Variants in PER3 observed in about 807,000 individuals in gnomAD.
PER3 encodes the protein period circadian protein homolog 3.
A neutral mutation model predicts 127.2 loss-of-function variants in PER3; 107 were observed. The observed-to-expected ratio is 0.84, with a 90% confidence interval of 0.72 to 0.99. The LOEUF (loss-of-function observed/expected upper bound fraction) is 0.99, where lower values mean the gene tolerates loss of function less well. Among genes scored for constraint, PER3 ranks in the 50% least tolerant of loss-of-function variants. PER3 has a pLI of 0.00. For synonymous variants in PER3, 618 were observed against 585.8 expected, an observed-to-expected ratio of 1.05 and a Z score of -0.79; for missense variants, 1,560 against 1,525.8, an observed-to-expected ratio of 1.02 and a Z score of -0.37.
At chr1:7,789,262 C>T (rs370101574) in intron 5 of PER3, among the ~76,000 whole-genome samples, 1 of 151,950 alleles carries the variant, frequency 6.6e-6, no homozygotes, top group African/African-American at 2.4e-5. Flanking sequence ...GGCTGTGTCC[C>T]CACCCAAATC....
chr1:7,810,051 A>G (rs368045279), intron 12 of PER3, 30 bp downstream of exon 12: 99 of 1,596,484 alleles, frequency 6.2e-5, no homozygotes, highest in Non-Finnish European at 8.4e-5. Flanking sequence ...ATTCTTATAC[A>G]GGCATCGTGT....
intron 18 of PER3, among the ~76,000 whole-genome samples, chr1:7,828,127 G>A (rs910424713): frequency 1.3e-5 from 2 of 152,150 alleles, no homozygotes; most frequent in African/African-American, 2.4e-5. Context: ...CAGGTATTAC[G>A]CTTAAGTGTT....
At chr1:7,836,440 A>G (rs537267288) in intron 20 of PER3, among the ~76,000 whole-genome samples, 123 of 152,270 alleles carry the variant, frequency 8.1e-4, no homozygotes, top group African/African-American at 2.8e-3. Flanking sequence ...CGGCCTCCCA[A>G]AGTGCTGGGA....
Position 7,800,880 on chromosome 1 carries a change from C to T in PER3, c.794-233C>T, listed in dbSNP as rs114167192. On this transcript the variant is annotated intron_variant, in intron 7 of 21. Transcript: ENST00000377532. ...TTTAATGTGCACATTCTTTCTCTCT[C>T]TGTTTAAAATTGACTTTAATAGGCT... is the stretch of plus-strand genomic sequence containing the variant. Among the ~76,000 whole-genome samples the T allele has an allele frequency of 5.1e-3, 767 of 151,170 alleles. 4 individuals carry two copies. Among genetic ancestry groups the T allele is most frequent in the Non-Finnish European group, 5.9e-3 (400 of 67,862 alleles).
intron 5 of PER3, 30 bp downstream of exon 5, chr1:7,788,276 T>C: frequency 6.9e-7 from 1 of 1,445,662 alleles, no homozygotes; most frequent in Non-Finnish European, 9.7e-7. Flanking sequence ...GATGTCTATC[T>C]TTCCTCATCA....
chr1:7,838,514 T>C (rs1305390736), intron 21 of PER3, among the ~76,000 whole-genome samples: 1 of 152,106 alleles, frequency 6.6e-6, no homozygotes, highest in Non-Finnish European at 1.5e-5. Context: ...GTTCAAGTGA[T>C]TCTCCTGCCT....
chr1:7,834,443 G>A (rs1341275270), intron 19 of PER3, among the ~76,000 whole-genome samples: 1 of 152,054 alleles, frequency 6.6e-6, no homozygotes, highest in Non-Finnish European at 1.5e-5. Context: ...GTTGTTTTGT[G>A]TGAGTGTTTT....
At chr1:7,840,030 T>C (rs555022598) in intron 21 of PER3, among the ~76,000 whole-genome samples, 1 of 152,284 alleles carries the variant, frequency 6.6e-6, no homozygotes, top group African/African-American at 2.4e-5. Context: ...ACTCGATGGT[T>C]TCCCACATGT....
intron 19 of PER3, among the ~76,000 whole-genome samples, chr1:7,834,955 C>A (rs34020118): frequency 6.6e-6 from 1 of 151,940 alleles, no homozygotes; most frequent in Non-Finnish European, 1.5e-5. Flanking sequence ...AAGGGATGGT[C>A]CTTGGGATGA....
intron 13 of PER3, among the ~76,000 whole-genome samples, chr1:7,814,038 A>G (rs1000890812): frequency 1.3e-5 from 2 of 152,246 alleles, no homozygotes; most frequent in African/African-American, 4.8e-5. Flanking sequence ...TGTAACATCA[A>G]TGCCAGAGAT....
chr1:7,835,590 G>A (rs890479639), intron 19 of PER3, among the ~76,000 whole-genome samples, 172 bp from the exon 20 acceptor site: 1 of 152,222 alleles, frequency 6.6e-6, no homozygotes, highest in Non-Finnish European at 1.5e-5. Flanking sequence ...GAGATCTCAG[G>A]AAGACCAAAG....
Position 7,784,745 on chromosome 1 carries a change from TG to T in PER3, c.-131del. 1 of 944,722 alleles carries T rather than the reference TG, an allele frequency of 1.1e-6. No homozygotes were observed. Among genetic ancestry groups the T allele is most frequent in the Non-Finnish European group, 1.4e-6 (1 of 691,350 alleles). The allele number at this position is 944,722 out of a possible 1,614,324, so 58.5% of individuals were successfully genotyped here. A position where few individuals can be genotyped will look rare whatever the true frequency, so the allele number is the denominator to read the frequency against. On this transcript the variant is annotated 5_prime_UTR_variant, in exon 2 of 22. The change abolishes the stop of an existing upstream ORF in the 5' untranslated region. Coordinates refer to ENST00000377532, the MANE Select transcript of PER3 (RefSeq NM_001377275.1). The stretch of plus-strand genomic sequence containing the variant: ...ATGAGCGTGACCCCCTGGCTCGTGG[TG>T]GCCGCCTGTTCTCACTAACGCCATG...
In PER3 at chr1:7,826,421, T is replaced by C. The variant is rs1413479498; in HGVS notation, c.1958-59T>C. On this transcript the variant is annotated intron_variant, in intron 16 of 21. Coordinates refer to ENST00000377532, the MANE Select transcript of PER3 (RefSeq NM_001377275.1). The surrounding 1 kb of genome is among the most constrained non-coding windows in gnomAD (Gnocchi z 4.2). ...ATGTATCAAAAGGCAGTTAACAAAG[T>C]AAAATAAATACAAATAATTGATAGG... 2 of 956,714 alleles carry C rather than the reference T, an allele frequency of 2.1e-6. No individual in the cohort carries two copies. Among genetic ancestry groups the C allele is most frequent in the Non-Finnish European group, 3.3e-6 (2 of 607,328 alleles). The allele number at this position is 956,714 out of a possible 1,614,324, so 59.3% of individuals were successfully genotyped here. A position where few individuals can be genotyped will look rare whatever the true frequency, so the allele number is the denominator to read the frequency against.
intron 6 of PER3, among the ~76,000 whole-genome samples, chr1:7,795,361 T>G (rs80058601): frequency 0.01 from 1,565 of 152,336 alleles, 33 homozygotes; most frequent in African/African-American, 0.036. Context: ...TTCAAATGCC[T>G]GTGTTGGCTG....
At chr1:7,787,144 C>T (rs985645011) in intron 4 of PER3, 1 of 368,262 alleles carries the variant, frequency 2.7e-6, no homozygotes, top group African/African-American at 2.1e-5. Context: ...AGAGTAATTT[C>T]CTGCACCTTA....
chr1:7,808,961 C>A lies in PER3; in HGVS notation c.1205C>A (p.Thr402Lys). 2 of 1,589,248 alleles carry A rather than the reference C, an allele frequency of 1.3e-6. No individual in the cohort carries two copies. The highest frequency in any genetic ancestry group is 1.7e-6 in the Non-Finnish European group (2 of 1,158,952). The change falls in exon 11 of 22, where the codon ACA (threonine) becomes AAA (lysine). Residue 402 changes from threonine to lysine, a missense_variant. Thr to Lys is a moderately conservative substitution (Grantham distance 78). Transcript: ENST00000377532. ...ATGAACGATAATGACAAAGACATAA[C>A]AGAATTACAAGAACAAATTTACAAA... ...KKMNDNDKDI[T>K]ELQEQIYKLL...
Position 7,844,866 on chromosome 1 carries a change from A to G in PER3, c.*2111A>G, listed in dbSNP as rs1352570589. 6.6e-6 allele frequency: 1 copy of G among 152,320 alleles called. No homozygotes were observed. The highest frequency in any genetic ancestry group is 1.5e-5 in the Non-Finnish European group (1 of 68,038). 9.4% of individuals were successfully genotyped at this position (152,320 alleles called of 1,614,324 possible). A position where few individuals can be genotyped will look rare whatever the true frequency, so the allele number is the denominator to read the frequency against. On this transcript the variant is annotated 3_prime_UTR_variant, in exon 22 of 22. Transcript: ENST00000377532. The stretch of plus-strand genomic sequence containing the variant: ...TTAAATTTGTTAACTTTTTATATTA[A>G]TGACTATTGAAAGTGGTAATAAAAA...
chr1:7,803,599 C>T (rs1431425259), intron 9 of PER3, 93 bp from the exon 10 acceptor site: 1 of 841,000 alleles, frequency 1.2e-6, no homozygotes, highest in Non-Finnish European at 1.8e-6. Context: ...AAAAAAACCA[C>T]TAAAACATTT....
At chr1:7,792,860 C>CT (rs2150529585) in intron 5 of PER3, among the ~76,000 whole-genome samples, 1 of 152,314 alleles carries the variant, frequency 6.6e-6, no homozygotes, top group South Asian at 2.1e-4. Context: ...CGTCTGCTGT[C>CT]TTAGATCACG....
Sources: allele counts gnomAD v4.1 joint callset (sites outside exome capture counted in the v4.1 genomes callset), GRCh38; gene constraint gnomAD v4.1.1; non-coding constraint Gnocchi (gnomAD v3.1); transcripts MANE v1.5; gene names NCBI Gene and HGNC (gene_info 2026-07-23, HGNC 2026-07-21).